The following RSRC1 variants were observed in gnomAD, a reference collection of about 807,000 sequenced individuals.
The protein encoded by RSRC1 is serine/Arginine-related protein 53.
Under a neutral mutation model 49.1 loss-of-function variants are expected in RSRC1, and 39 were observed. The observed-to-expected ratio is 0.79, with a 90% CI of 0.61 to 1.04. The LOEUF (loss-of-function observed/expected upper bound fraction) is 1.04, where lower values mean the gene tolerates loss of function less well. Among genes scored for constraint, RSRC1 ranks in the 50% least tolerant of loss-of-function variants. The pLI, the probability that RSRC1 is intolerant of heterozygous loss-of-function variation, is 0.00. For synonymous variants in RSRC1, 143 were observed against 130.8 expected, an observed-to-expected ratio of 1.09 and a Z score of -0.63; for missense variants, 388 against 402.4, an observed-to-expected ratio of 0.96 and a Z score of 0.31.
chr3:158,297,904 C>T, intron 4 of RSRC1, 135 bp from the exon 5 acceptor site: 3 of 620,016 alleles, frequency 4.8e-6, no homozygotes, highest in Non-Finnish European at 8.5e-6. Flanking sequence ...TTGTTTTGTC[C>T]TTAAAAACAG....
chr3:158,142,237 A>G (rs1205287020), intron 3 of RSRC1, among the ~76,000 whole-genome samples: 3 of 152,170 alleles, frequency 2.0e-5, no homozygotes, highest in Non-Finnish European at 4.4e-5. Flanking sequence ...TTGTTTCTTT[A>G]TATATATCTC....
chr3:158,509,908 T>C (rs555652500), intron 7 of RSRC1, among the ~76,000 whole-genome samples: 8 of 152,202 alleles, frequency 5.3e-5, no homozygotes, highest in Non-Finnish European at 1.5e-5. Context: ...TCTCTCCTGG[T>C]ACACATGTGC....
chr3:158,194,753 T>G (rs989383231), intron 3 of RSRC1, among the ~76,000 whole-genome samples: 3 of 151,080 alleles, frequency 2.0e-5, no homozygotes, highest in Non-Finnish European at 2.9e-5. Context: ...GCTGTTTGGT[T>G]TTTTGTCCTT....
intron 3 of RSRC1, among the ~76,000 whole-genome samples, chr3:158,160,614 A>G (rs1212349981): frequency 6.6e-6 from 1 of 152,166 alleles, no homozygotes; most frequent in African/African-American, 2.4e-5. Flanking sequence ...CTCTTTTCTG[A>G]TATAAAAATA....
At chr3:158,331,573 C>T (rs769720485) in intron 5 of RSRC1, among the ~76,000 whole-genome samples, 13 of 151,922 alleles carry the variant, frequency 8.6e-5, no homozygotes, top group Non-Finnish European at 1.9e-4. Flanking sequence ...ACTTCTAAGC[C>T]TAAAAATTCA....
intron 4 of RSRC1, among the ~76,000 whole-genome samples, chr3:158,218,084 A>C (rs1008788655): frequency 6.6e-6 from 1 of 151,636 alleles, no homozygotes; most frequent in Non-Finnish European, 1.5e-5. Context: ...GCACTGTCTG[A>C]GATGGGGCCG....
chr3:158,484,766 G>A (rs1180612272), intron 7 of RSRC1, among the ~76,000 whole-genome samples: 1 of 152,010 alleles, frequency 6.6e-6, no homozygotes, highest in African/African-American at 2.4e-5. Context: ...TACATAAAGA[G>A]AGACCTAATT....
chr3:158,381,804 G>A (rs1382724031), intron 6 of RSRC1, among the ~76,000 whole-genome samples: 2 of 152,120 alleles, frequency 1.3e-5, no homozygotes, highest in Non-Finnish European at 2.9e-5. Context: ...ACTTGATAGG[G>A]CACTTACCGT....
chr3:158,529,027 GT>G (rs1005223796), intron 7 of RSRC1, among the ~76,000 whole-genome samples: 1 of 151,272 alleles, frequency 6.6e-6, no homozygotes, highest in Non-Finnish European at 1.5e-5. Flanking sequence ...AAAATGCTAG[GT>G]TTTTAGAAAC....
At chr3:158,160,338 A>G (rs1275496557) in intron 3 of RSRC1, among the ~76,000 whole-genome samples, 3 of 152,216 alleles carry the variant, frequency 2.0e-5, no homozygotes, top group African/African-American at 4.8e-5. Context: ...AATAACTCAA[A>G]TGATTTTATA....
At chr3:158,330,112 A>G (rs1729459427) in intron 5 of RSRC1, among the ~76,000 whole-genome samples, 1 of 152,092 alleles carries the variant, frequency 6.6e-6, no homozygotes, top group Admixed American at 6.5e-5. Context: ...GAGTGACCCG[A>G]TTTTCCAGGT....
chr3:158,175,310 G>T (rs964364173), intron 3 of RSRC1, among the ~76,000 whole-genome samples: 1 of 151,898 alleles, frequency 6.6e-6, no homozygotes, highest in Non-Finnish European at 1.5e-5. Context: ...TAATGCATAA[G>T]ACTTCTTAAT....
intron 4 of RSRC1, among the ~76,000 whole-genome samples, chr3:158,206,072 G>T (rs901941423): frequency 6.6e-6 from 1 of 152,206 alleles, no homozygotes; most frequent in African/African-American, 2.4e-5. Flanking sequence ...AAAAATGGGT[G>T]TCTGGCTGGA....
At chr3:158,231,900 A>AT (rs1722985388) in intron 4 of RSRC1, among the ~76,000 whole-genome samples, 1 of 152,200 alleles carries the variant, frequency 6.6e-6, no homozygotes, top group African/African-American at 2.4e-5. Context: ...TTCAAGCACA[A>AT]TATAAAATTC....
chr3:158,162,827 G>C (rs115773850), intron 3 of RSRC1, among the ~76,000 whole-genome samples: 1,670 of 152,126 alleles, frequency 0.011, 17 homozygotes, highest in South Asian at 0.03. Flanking sequence ...GGAGGAGTAG[G>C]GCAGTAAAAA....
intron 4 of RSRC1, among the ~76,000 whole-genome samples, chr3:158,264,907 A>G (rs959130787): frequency 2.0e-5 from 3 of 152,328 alleles, no homozygotes; most frequent in East Asian, 1.9e-4. Flanking sequence ...AGTAATCTCC[A>G]ATTCTTTGAA....
At chr3:158,441,829 T>TA (rs1169273654) in intron 6 of RSRC1, among the ~76,000 whole-genome samples, 3 of 152,028 alleles carry the variant, frequency 2.0e-5, no homozygotes, top group African/African-American at 7.2e-5. Flanking sequence ...ACAACAAACT[T>TA]ACAGTATGCT....
chr3:158,272,837 A>G (rs1240441690), intron 4 of RSRC1, among the ~76,000 whole-genome samples: 1 of 152,056 alleles, frequency 6.6e-6, no homozygotes, highest in Non-Finnish European at 1.5e-5. Flanking sequence ...TAGATTTATC[A>G]GTTATTTACA....
At chr3:158,297,941 GA>G in intron 4 of RSRC1, 97 bp from the exon 5 acceptor site, 1 of 858,968 alleles carries the variant, frequency 1.2e-6, no homozygotes, top group Non-Finnish European at 1.9e-6. Context: ...AAATACATAT[GA>G]AAAAATTACA....
Sources: allele counts gnomAD v4.1 joint callset (sites outside exome capture counted in the v4.1 genomes callset), GRCh38; gene constraint gnomAD v4.1.1; transcripts MANE v1.5; gene names NCBI Gene and HGNC (gene_info 2026-07-23, HGNC 2026-07-21).